The following NR5A2 variants were observed in gnomAD, a reference collection of about 807,000 sequenced individuals.
The protein encoded by NR5A2 is nuclear receptor subfamily 5 group A member 2, also known as CYP7A promoter-binding factor.
A neutral mutation model predicts 62.7 loss-of-function variants in NR5A2; 26 were observed. The observed-to-expected ratio is 0.41, with a 90% CI of 0.30 to 0.58. The LOEUF is 0.58. Among genes scored for constraint, NR5A2 ranks in the 20% least tolerant of loss-of-function variants. NR5A2 has a pLI of 0.22. For missense variants in NR5A2, 541 were observed against 669.1 expected (o/e 0.81, Z 2.11); for synonymous variants, 246 against 241.7 (o/e 1.02, Z -0.16).
At chr1:200,114,156 C>T (rs1010380330) in intron 6 of NR5A2, among the ~76,000 whole-genome samples, 8 of 151,780 alleles carry the variant, frequency 5.3e-5, no homozygotes, top group African/African-American at 1.7e-4. Context: ...GCACTCCAGC[C>T]TTGGCAACAG....
At chr1:200,089,892 C>T (rs925608115) in intron 5 of NR5A2, among the ~76,000 whole-genome samples, 6 of 152,196 alleles carry the variant, frequency 3.9e-5, no homozygotes, top group Non-Finnish European at 1.5e-5. Context: ...ATTCCTCAAC[C>T]AGGTATCTCA....
At chr1:200,078,370 A>C (rs753367986) in intron 5 of NR5A2, among the ~76,000 whole-genome samples, 2 of 152,188 alleles carry the variant, frequency 1.3e-5, no homozygotes, top group Non-Finnish European at 2.9e-5. Flanking sequence ...TCAACCAGTG[A>C]ATCAAGACTG....
chr1:200,117,770 A>G (rs1053534010), intron 6 of NR5A2, among the ~76,000 whole-genome samples: 4 of 151,334 alleles, frequency 2.6e-5, no homozygotes, highest in African/African-American at 7.3e-5. Context: ...CTGGAGTGCA[A>G]TGGCGCAATC....
In NR5A2 at chr1:200,169,216, TA is replaced by T. The variant is rs200311622; in HGVS notation, c.1379-4738del. ...AGAACGAGACTCTGTCCCTATTTAT[TA>T]AAAAAAAATCAGACAATAATATTAG... On this transcript the variant is annotated intron_variant, in intron 7 of 7. Coordinates refer to ENST00000367362, the MANE Select transcript of NR5A2 (RefSeq NM_205860.3). Among the ~76,000 whole-genome samples the T allele has an allele frequency of 6.0e-5, 9 of 150,724 alleles. No individual in the cohort carries two copies. The East Asian group carries it at 1.4e-3, about 23-fold the overall frequency.
intron 7 of NR5A2, among the ~76,000 whole-genome samples, chr1:200,161,973 G>A (rs1653663260): frequency 6.6e-6 from 1 of 152,194 alleles, no homozygotes; most frequent in Non-Finnish European, 1.5e-5. Flanking sequence ...TAGCAGGAGA[G>A]GCAAGGCATA....
intron 7 of NR5A2, among the ~76,000 whole-genome samples, chr1:200,160,964 T>C (rs991989401): frequency 1.4e-5 from 2 of 148,144 alleles, no homozygotes; most frequent in Non-Finnish European, 3.0e-5. Flanking sequence ...GCTCAAAAAC[T>C]GTTTCAGGAC....
At chr1:200,063,773 T>G (rs529185778) in intron 5 of NR5A2, among the ~76,000 whole-genome samples, 40 of 152,324 alleles carry the variant, frequency 2.6e-4, no homozygotes, top group Admixed American at 7.2e-4. Context: ...TCAGGCCAAA[T>G]TCAAATTTTA....
intron 7 of NR5A2, among the ~76,000 whole-genome samples, chr1:200,165,958 C>G (rs544951245): frequency 6.6e-6 from 1 of 152,326 alleles, no homozygotes; most frequent in South Asian, 2.1e-4. Context: ...CATCAAACAA[C>G]AACCTCTGTT....
intron 7 of NR5A2, among the ~76,000 whole-genome samples, chr1:200,136,442 T>C (rs1015584879): frequency 6.6e-6 from 1 of 152,216 alleles, no homozygotes; most frequent in Admixed American, 6.5e-5. Context: ...CATCTTATTG[T>C]CCTGTATGAG....
Position 200,147,588 on chromosome 1 carries a change from G to A in NR5A2, c.1379-26375G>A, listed in dbSNP as rs1020777273. On this transcript the variant is annotated intron_variant, in intron 7 of 7. Coordinates refer to ENST00000367362, the MANE Select transcript of NR5A2 (RefSeq NM_205860.3). The surrounding 1 kb of genome is among the most constrained non-coding windows in gnomAD (Gnocchi z 4.9). Reference sequence around the variant, plus strand: ...TTAAAGCGATCTCCTCTACACGAACGCTAGGGCAGAGCACATTTTCGCACA... The same window carrying A: ...TTAAAGCGATCTCCTCTACACGAACACTAGGGCAGAGCACATTTTCGCACA... 8.4e-6 allele frequency: 6 copies of A among 716,744 alleles called. No homozygotes were observed. Among genetic ancestry groups the A allele is most frequent in the Admixed American group, 3.6e-5 (2 of 56,106 alleles). 44.4% of individuals were successfully genotyped at this position (716,744 alleles called of 1,614,324 possible). A position where few individuals can be genotyped will look rare whatever the true frequency, so the allele number is the denominator to read the frequency against.
At chr1:200,046,326 G>A (rs1391317367) in intron 4 of NR5A2, among the ~76,000 whole-genome samples, 1 of 152,194 alleles carries the variant, frequency 6.6e-6, no homozygotes, top group Non-Finnish European at 1.5e-5. Flanking sequence ...ATATGTGACT[G>A]CTGTAAATAA....
intron 5 of NR5A2, among the ~76,000 whole-genome samples, chr1:200,095,781 T>C (rs905494261): frequency 2.0e-5 from 3 of 152,046 alleles, no homozygotes; most frequent in Admixed American, 6.5e-5. Context: ...GTCGATCTCC[T>C]GACCTTGTGA....
In NR5A2 at chr1:200,038,787, C is replaced by T. The variant is rs546837062; in HGVS notation, c.65-871C>T. 95 of 1,322,472 alleles carry T rather than the reference C, an allele frequency of 7.2e-5. 3 individuals carry two copies. In the South Asian group the frequency reaches 1.1e-3, roughly 15 times the overall value. The allele number at this position is 1,322,472 out of a possible 1,614,324, so 81.9% of individuals were successfully genotyped here. On this transcript the variant is annotated intron_variant, in intron 1 of 7. Transcript: ENST00000367362. ...TCTGACTAGCTGTAAGACCCGGCTG[C>T]ATTTACATCCCCCCGCCCCGGGCCA... is the stretch of plus-strand genomic sequence containing the variant.
intron 5 of NR5A2, among the ~76,000 whole-genome samples, chr1:200,055,041 C>G (rs72739184): frequency 0.022 from 3,397 of 151,958 alleles, 61 homozygotes; most frequent in Non-Finnish European, 0.034. Flanking sequence ...GGACCACAGG[C>G]GCATGCAACC....
intron 7 of NR5A2, among the ~76,000 whole-genome samples, chr1:200,173,727 T>G (rs951978276): frequency 6.6e-6 from 1 of 152,196 alleles, no homozygotes; most frequent in Admixed American, 6.5e-5. Flanking sequence ...CAAAATCCAC[T>G]GGTGTCTAAT....
chr1:200,173,889 A>G, intron 7 of NR5A2, 74 bp from the exon 8 acceptor site: 1 of 1,346,390 alleles, frequency 7.4e-7, no homozygotes, highest in Non-Finnish European at 9.7e-7. Flanking sequence ...CCATTAATTG[A>G]ACACATTGCT....
chr1:200,134,529 G>A (rs909120551), intron 7 of NR5A2, among the ~76,000 whole-genome samples: 1 of 152,160 alleles, frequency 6.6e-6, no homozygotes, highest in Non-Finnish European at 1.5e-5. Context: ...CATATCCCGG[G>A]TGTGTAGTAA....
At chr1:200,142,126 C>T (rs1326185677) in intron 7 of NR5A2, among the ~76,000 whole-genome samples, 1 of 151,160 alleles carries the variant, frequency 6.6e-6, no homozygotes, top group Non-Finnish European at 1.5e-5. Context: ...CAACTATATC[C>T]AGTCTAGCAC....
intron 6 of NR5A2, among the ~76,000 whole-genome samples, chr1:200,115,042 T>TC (rs1199486538): frequency 7.7e-6 from 1 of 130,294 alleles, no homozygotes; most frequent in Admixed American, 7.9e-5. Context: ...TATGCTTTTT[T>TC]TGTGGTTTAG....
Sources: allele counts gnomAD v4.1 joint callset (sites outside exome capture counted in the v4.1 genomes callset), GRCh38; gene constraint gnomAD v4.1.1; non-coding constraint Gnocchi (gnomAD v3.1); transcripts MANE v1.5; gene names NCBI Gene and HGNC (gene_info 2026-07-23, HGNC 2026-07-21).